The following PDE4D variants were observed in gnomAD, a reference collection of about 807,000 sequenced individuals.
The protein encoded by PDE4D is 3',5'-cyclic-AMP phosphodiesterase 4D.
In PDE4D, 24 loss-of-function variants were observed where a neutral mutation model predicts 87.4. That is an observed-to-expected ratio of 0.27 (90% CI 0.20 to 0.39). The LOEUF is 0.39. Among genes scored for constraint, PDE4D ranks in the 10% least tolerant of loss-of-function variants. The pLI, the probability that PDE4D is intolerant of heterozygous loss-of-function variation, is 1.00. For missense variants in PDE4D, 714 were observed against 1,041.0 expected (o/e 0.69, Z 4.32); for synonymous variants, 384 against 383.2 (o/e 1.00, Z -0.02).
At chr5:59,871,234 T>TAGAAGTC (rs1167954655) in intron 1 of PDE4D, among the ~76,000 whole-genome samples, 1 of 152,174 alleles carries the variant, frequency 6.6e-6, no homozygotes, top group Non-Finnish European at 1.5e-5. Context: ...AAAAATGGCC[T>TAGAAGTC]AGAAGTCAGA....
intron 1 of PDE4D, among the ~76,000 whole-genome samples, chr5:59,287,103 G>A (rs778652231): frequency 5.9e-5 from 9 of 152,092 alleles, no homozygotes; most frequent in Non-Finnish European, 1.3e-4. Context: ...AAGCACCAAA[G>A]GGGTTCTAGG....
intron 1 of PDE4D, among the ~76,000 whole-genome samples, chr5:59,621,973 T>C: frequency 6.6e-6 from 1 of 152,314 alleles, no homozygotes; most frequent in Non-Finnish European, 1.5e-5. Context: ...ATAGTTTATA[T>C]TTTCATATCT....
intron 1 of PDE4D, among the ~76,000 whole-genome samples, chr5:59,310,507 A>G (rs1199221333): frequency 6.6e-6 from 1 of 152,132 alleles, no homozygotes; most frequent in Non-Finnish European, 1.5e-5. Context: ...GTCCATTAAG[A>G]GCAACTCCTA....
At chr5:59,360,353 T>G (rs145220235) in intron 1 of PDE4D, among the ~76,000 whole-genome samples, 47 of 152,242 alleles carry the variant, frequency 3.1e-4, no homozygotes, top group African/African-American at 1.1e-3. Flanking sequence ...AGCAGGCAGA[T>G]AGTGGGTTTC....
intron 1 of PDE4D, among the ~76,000 whole-genome samples, chr5:59,264,182 G>C (rs187103716): frequency 2.0e-5 from 3 of 152,060 alleles, no homozygotes; most frequent in East Asian, 3.9e-4. Context: ...TCCCTCTTCT[G>C]TCTGGCAGAG....
intron 11 of PDE4D, among the ~76,000 whole-genome samples, chr5:58,979,734 C>A (rs1744649612): frequency 6.6e-6 from 1 of 152,130 alleles, no homozygotes; most frequent in African/African-American, 2.4e-5. Context: ...TCTTAATTAC[C>A]AGATGAAACT....
At chr5:59,531,578 T>G (rs79240792) in intron 1 of PDE4D, among the ~76,000 whole-genome samples, 17,591 of 152,226 alleles carry the variant, frequency 0.12, 1,161 homozygotes, top group Non-Finnish European at 0.14. Context: ...TCTTCAGGGT[T>G]GCATTCCTTT....
intron 1 of PDE4D, among the ~76,000 whole-genome samples, chr5:60,214,014 T>C (rs1273116761): frequency 6.6e-6 from 1 of 152,234 alleles, no homozygotes; most frequent in Non-Finnish European, 1.5e-5. Flanking sequence ...TCATAGTACA[T>C]GATACTTAAA....
At chr5:59,814,874 G>T (rs1768801158) in intron 1 of PDE4D, among the ~76,000 whole-genome samples, 1 of 152,236 alleles carries the variant, frequency 6.6e-6, no homozygotes, top group Admixed American at 6.5e-5. Context: ...TTGTGGTGGT[G>T]GTAAGGGGGC....
At chr5:60,066,946 C>G (rs1408489926) in intron 2 of PDE4D, among the ~76,000 whole-genome samples, 1 of 152,086 alleles carries the variant, frequency 6.6e-6, no homozygotes, top group East Asian at 1.9e-4. Context: ...TTCAGAGAAA[C>G]TGCTCTACTT....
At chr5:60,429,350 A>C (rs1743995381) in intron 1 of PDE4D, among the ~76,000 whole-genome samples, 1 of 152,180 alleles carries the variant, frequency 6.6e-6, no homozygotes, top group Non-Finnish European at 1.5e-5. Context: ...TGTATCCAGA[A>C]ACTTTGCTGA....
At chr5:59,996,159 G>C (rs959196882) in intron 2 of PDE4D, among the ~76,000 whole-genome samples, 1 of 152,138 alleles carries the variant, frequency 6.6e-6, no homozygotes, top group Non-Finnish European at 1.5e-5. Context: ...TTTTAAATAA[G>C]AATGAAGGAT....
At chr5:59,366,781 T>C (rs1329367806) in intron 1 of PDE4D, among the ~76,000 whole-genome samples, 1 of 152,182 alleles carries the variant, frequency 6.6e-6, no homozygotes, top group Non-Finnish European at 1.5e-5. Flanking sequence ...ATGAAAAAAA[T>C]TCAACTTCAA....
chr5:59,960,406 A>G (rs533943873), intron 3 of PDE4D, among the ~76,000 whole-genome samples: 3 of 152,288 alleles, frequency 2.0e-5, no homozygotes, highest in African/African-American at 7.2e-5. Context: ...ACTTGTATGT[A>G]TGTTTATCAC....
At chr5:59,171,005 C>A (rs1489174900) in intron 5 of PDE4D, among the ~76,000 whole-genome samples, 1 of 151,950 alleles carries the variant, frequency 6.6e-6, no homozygotes, top group East Asian at 1.9e-4. Flanking sequence ...CCTCAGCCTC[C>A]AGAGTAGCTG....
intron 1 of PDE4D, among the ~76,000 whole-genome samples, chr5:59,260,606 TAAG>T (rs1761823538): frequency 2.6e-5 from 4 of 151,954 alleles, no homozygotes; most frequent in African/African-American, 9.6e-5. Context: ...GTTTGACTAT[TAAG>T]AAATGATCCA....
chr5:58,982,694 AAT>A (rs1471259414), intron 11 of PDE4D, among the ~76,000 whole-genome samples: 1 of 152,166 alleles, frequency 6.6e-6, no homozygotes, highest in Admixed American at 6.5e-5. Flanking sequence ...CGCACTTAGC[AAT>A]AGTCATAGCC....
intron 1 of PDE4D, among the ~76,000 whole-genome samples, chr5:59,711,603 GT>G (rs1754205659): frequency 6.6e-6 from 1 of 152,102 alleles, no homozygotes; most frequent in South Asian, 2.1e-4. Flanking sequence ...AAAATGGATT[GT>G]TCATCATTTA....
intron 1 of PDE4D, among the ~76,000 whole-genome samples, chr5:59,258,786 T>C (rs1012119449): frequency 6.7e-6 from 1 of 149,662 alleles, no homozygotes; most frequent in Non-Finnish European, 1.5e-5. Flanking sequence ...CTAAATAATA[T>C]ACAATTTAGA....
Sources: allele counts gnomAD v4.1 joint callset (sites outside exome capture counted in the v4.1 genomes callset), GRCh38; gene constraint gnomAD v4.1.1; transcripts MANE v1.5; gene names NCBI Gene and HGNC (gene_info 2026-07-23, HGNC 2026-07-21).